WDFY4: variants seen among roughly 807,000 people sequenced by gnomAD.
WDFY4 encodes WD repeat- and FYVE domain-containing protein 4.
A neutral mutation model predicts 351.9 loss-of-function variants in WDFY4; 169 were observed. The ratio of observed to expected loss-of-function variants is 0.48; its 90% CI spans 0.42 to 0.55. The LOEUF is 0.55. WDFY4 is among the 20% of genes least tolerant of loss of function. WDFY4 has a pLI of 0.00. For synonymous variants in WDFY4, 1,622 were observed against 1,574.6 expected, an observed-to-expected ratio of 1.03 and a Z score of -0.71; for missense variants, 3,803 against 3,935.6, an observed-to-expected ratio of 0.97 and a Z score of 0.90.
intron 2 of WDFY4, 123 bp downstream of exon 2, chr10:48,710,089 G>A: frequency 1.1e-6 from 1 of 931,746 alleles, no homozygotes; most frequent in Non-Finnish European, 1.6e-6. Context: ...GTTGCTCAGG[G>A]GAGTGTTGTC....
At chr10:48,893,243 T>G (rs1173330699) in intron 44 of WDFY4, among the ~76,000 whole-genome samples, 1 of 152,234 alleles carries the variant, frequency 6.6e-6, no homozygotes, top group African/African-American at 2.4e-5. Context: ...ATTTTCCCTT[T>G]TTATAAGGAC....
intron 39 of WDFY4, among the ~76,000 whole-genome samples, chr10:48,839,371 C>T (rs1431754419): frequency 6.6e-6 from 1 of 152,220 alleles, no homozygotes; most frequent in Non-Finnish European, 1.5e-5. Context: ...AACATTTTTA[C>T]TTAAAGTTGT....
chr10:48,760,293 TAGAA>T (rs1307911535), intron 12 of WDFY4, 50 bp from the exon 13 acceptor site: 3 of 1,489,042 alleles, frequency 2.0e-6, no homozygotes, highest in Non-Finnish European at 2.7e-6. Context: ...TCAGTGAAAA[TAGAA>T]AGAAACTGGA....
chr10:48,856,191 G>T (rs998247514), intron 39 of WDFY4, among the ~76,000 whole-genome samples: 1 of 152,090 alleles, frequency 6.6e-6, no homozygotes, highest in African/African-American at 2.4e-5. Context: ...TTTTGAAATA[G>T]ATGAAGAATA....
chr10:48,856,664 G>C (rs2069143688), intron 39 of WDFY4, among the ~76,000 whole-genome samples: 1 of 152,108 alleles, frequency 6.6e-6, no homozygotes, highest in Non-Finnish European at 1.5e-5. Flanking sequence ...TAACATTTTT[G>C]TACTCTGTTA....
At chr10:48,981,284 G>T (rs1050606370) in intron 60 of WDFY4, 83 bp from the exon 61 acceptor site, 4 of 1,143,860 alleles carry the variant, frequency 3.5e-6, no homozygotes, top group African/African-American at 1.5e-5. Context: ...GTGCGTATGT[G>T]TTTGCGGCCC....
chr10:48,856,220 T>C (rs553290505), intron 39 of WDFY4, among the ~76,000 whole-genome samples: 1 of 152,170 alleles, frequency 6.6e-6, no homozygotes, highest in African/African-American at 2.4e-5. Flanking sequence ...CCCACAGATA[T>C]GCAGTTAGAA....
chr10:48,849,998 T>C (rs978221177), intron 39 of WDFY4, among the ~76,000 whole-genome samples: 8 of 152,246 alleles, frequency 5.3e-5, no homozygotes, highest in African/African-American at 1.9e-4. Flanking sequence ...CATGCTTTTT[T>C]CATGATTATC....
intron 39 of WDFY4, among the ~76,000 whole-genome samples, chr10:48,863,186 C>T (rs926479068): frequency 1.3e-5 from 2 of 152,178 alleles, no homozygotes; most frequent in South Asian, 2.1e-4. Flanking sequence ...CAGTTGGACA[C>T]AATTTTTATC....
Position 48,731,049 on chromosome 10 carries a change from T to A in WDFY4, c.1130-61T>A, listed in dbSNP as rs1249895329. 6.9e-6 allele frequency: 10 copies of A among 1,442,146 alleles called. No individual in the cohort carries two copies. In the Admixed American group the frequency reaches 2.1e-4, roughly 30 times the overall value. 89.3% of individuals were successfully genotyped at this position (1,442,146 alleles called of 1,614,324 possible). On this transcript the variant is annotated intron_variant, in intron 8 of 61. Transcript: ENST00000325239. ...GCATGCCCTCTTAGTAATGAAAACATCTATTTGTAGACACAGGCAGGAGAA... is the reference window on the plus strand; with the variant it reads ...GCATGCCCTCTTAGTAATGAAAACAACTATTTGTAGACACAGGCAGGAGAA...
intron 40 of WDFY4, among the ~76,000 whole-genome samples, chr10:48,872,847 T>C (rs552697324): frequency 2.6e-5 from 4 of 152,372 alleles, no homozygotes; most frequent in African/African-American, 9.6e-5. Flanking sequence ...TGAAAGGTTT[T>C]AGCTCCTGTG....
chr10:48,774,682 G>A lies in WDFY4; in HGVS notation c.2768+10G>A. 6.4e-7 allele frequency: 1 copy of A among 1,551,586 alleles called. No individual in the cohort carries two copies. The highest frequency in any genetic ancestry group is 8.7e-7 in the Non-Finnish European group (1 of 1,146,924). On this transcript the variant is annotated intron_variant, in intron 14 of 61. Transcript: ENST00000325239. Reference sequence around the variant, plus strand: ...AACCGGATGTGCTAAGGTACCACATGCTGCATATTCAGTGCCGCCAAGCTG... The same window carrying A: ...AACCGGATGTGCTAAGGTACCACATACTGCATATTCAGTGCCGCCAAGCTG...
intron 47 of WDFY4, among the ~76,000 whole-genome samples, chr10:48,931,711 A>C (rs1442717128): frequency 1.3e-5 from 2 of 152,198 alleles, no homozygotes; most frequent in African/African-American, 4.8e-5. Flanking sequence ...GTCTAATCCT[A>C]AATTTCTTCT....
intron 47 of WDFY4, among the ~76,000 whole-genome samples, chr10:48,905,924 A>C (rs1267407524): frequency 6.6e-6 from 1 of 152,246 alleles, no homozygotes; most frequent in Non-Finnish European, 1.5e-5. Context: ...CCTTGCTCTC[A>C]GCTCCTCGGA....
intron 35 of WDFY4, among the ~76,000 whole-genome samples, chr10:48,825,647 T>C (rs10857652): frequency 0.13 from 19,841 of 152,190 alleles, 1,414 homozygotes; most frequent in Middle Eastern, 0.2. Context: ...TAATCGCCAT[T>C]CTGACTGGCA....
chr10:48,930,586 G>A (rs547268775), intron 47 of WDFY4, among the ~76,000 whole-genome samples: 1 of 152,246 alleles, frequency 6.6e-6, no homozygotes, highest in Admixed American at 6.5e-5. Flanking sequence ...GTGGGACTAG[G>A]CTATGGAGAA....
intron 47 of WDFY4, among the ~76,000 whole-genome samples, chr10:48,927,550 T>C (rs1839677646): frequency 6.6e-6 from 1 of 152,220 alleles, no homozygotes; most frequent in African/African-American, 2.4e-5. Flanking sequence ...GGCAATTATC[T>C]GGTTAATTTG....
intron 47 of WDFY4, among the ~76,000 whole-genome samples, chr10:48,918,895 A>T (rs1838792685): frequency 6.6e-6 from 1 of 152,228 alleles, no homozygotes; most frequent in African/African-American, 2.4e-5. Context: ...TGACATTGCC[A>T]AATGTCCACT....
chr10:48,726,667 C>T (rs1033921274), intron 6 of WDFY4, among the ~76,000 whole-genome samples: 2 of 152,136 alleles, frequency 1.3e-5, no homozygotes, highest in Admixed American at 6.5e-5. Flanking sequence ...TTCTCTCATC[C>T]GTAAAGTGGG....
Sources: allele counts gnomAD v4.1 joint callset (sites outside exome capture counted in the v4.1 genomes callset), GRCh38; gene constraint gnomAD v4.1.1; transcripts MANE v1.5; gene names NCBI Gene and HGNC (gene_info 2026-07-23, HGNC 2026-07-21).